The following MCMBP variants were observed in gnomAD, a reference collection of about 807,000 sequenced individuals.
MCMBP encodes the protein mini-chromosome maintenance complex-binding protein.
MCMBP carries 31 observed loss-of-function variants against 81.3 expected under a neutral mutation model. The ratio of observed to expected loss-of-function variants is 0.38; its 90% confidence interval spans 0.29 to 0.51. The LOEUF is 0.51. Ranked by LOEUF, MCMBP falls within the 20% of genes least tolerant of loss-of-function variation. MCMBP has a pLI of 0.87. For synonymous variants in MCMBP, 267 were observed against 275.9 expected (o/e 0.97, Z 0.32); for missense variants, 645 against 772.1 (o/e 0.84, Z 1.95).
rs771682392 is a variant in MCMBP, at chr10:119,859,184, T to G, written c.145-3A>C. 59 of 1,610,458 alleles carry G rather than the reference T, an allele frequency of 3.7e-5. No homozygotes were observed. The highest frequency in any genetic ancestry group is 4.7e-5 in the Non-Finnish European group (56 of 1,179,058). On this transcript the variant is annotated splice_region_variant and splice_polypyrimidine_tract_variant and intron_variant, in intron 2 of 15. Transcript: ENST00000369077. Reference sequence around the variant, plus strand: ...GGAACTTCGTTCAGTGATGGTACCTTAAAGGAAAATAATCAAGTCAGTCAA... The same window carrying G: ...GGAACTTCGTTCAGTGATGGTACCTGAAAGGAAAATAATCAAGTCAGTCAA...
chr10:119,838,766 G>T, intron 11 of MCMBP, 66 bp from the exon 12 acceptor site: 1 of 1,363,126 alleles, frequency 7.3e-7, no homozygotes. Flanking sequence ...ATATGTACTT[G>T]GAATTAAACA....
chr10:119,843,143 G>T (rs1208118532), intron 9 of MCMBP, 111 bp downstream of exon 9: 4 of 1,178,228 alleles, frequency 3.4e-6, no homozygotes, highest in Admixed American at 3.4e-5. Flanking sequence ...AACACTTATT[G>T]TGAGGAATGA....
intron 14 of MCMBP, among the ~76,000 whole-genome samples, chr10:119,832,402 CTACTGTTAACACTGA>C (rs1449794677): frequency 1.2e-4 from 19 of 152,276 alleles, no homozygotes; most frequent in African/African-American, 3.6e-4. Context: ...AAAACTGTCT[CTACTGTTAACACTGA>C]TCAAAATCAG....
chr10:119,837,499 CT>C (rs1852287389), intron 12 of MCMBP, among the ~76,000 whole-genome samples: 1 of 152,192 alleles, frequency 6.6e-6, no homozygotes, highest in East Asian at 1.9e-4. Flanking sequence ...CATTTGAGCA[CT>C]GGTAAACAAT....
In MCMBP at chr10:119,829,511, A is replaced by G. The variant is rs1218351169; in HGVS notation, c.*1963T>C. On this transcript the variant is annotated 3_prime_UTR_variant, in exon 16 of 16. Transcript: ENST00000369077. ...TCCAAACAGGGTTACACAGGAGTCT[A>G]CTCAGTTTCCTGGCCATACAGGATT... 1.3e-5 allele frequency: 2 copies of G among 152,216 alleles called. No homozygotes were observed. Among genetic ancestry groups the G allele is most frequent in the Non-Finnish European group, 2.9e-5 (2 of 68,046 alleles). 9.4% of individuals were successfully genotyped at this position (152,216 alleles called of 1,614,324 possible). A position where few individuals can be genotyped will look rare whatever the true frequency, so the allele number is the denominator to read the frequency against.
intron 14 of MCMBP, among the ~76,000 whole-genome samples, chr10:119,834,347 CTCAG>C (rs1852159550): frequency 6.6e-6 from 1 of 152,142 alleles, no homozygotes. Context: ...AGAAAAATGA[CTCAG>C]TGTGTACAAA....
intron 8 of MCMBP, 121 bp from the exon 9 acceptor site, chr10:119,843,547 CCTTAAAGA>C (rs1852512431): frequency 1.1e-6 from 1 of 902,228 alleles, no homozygotes; most frequent in Non-Finnish European, 1.6e-6. Context: ...CTGTACATCT[CCTTAAAGA>C]ACAGAAAGTG....
At chr10:119,845,642 A>C (rs762860944) in intron 8 of MCMBP, among the ~76,000 whole-genome samples, 23 of 152,230 alleles carry the variant, frequency 1.5e-4, no homozygotes, top group Non-Finnish European at 3.1e-4. Flanking sequence ...ATAAATAATG[A>C]AATCACACTG....
At chr10:119,850,474 G>A (rs1810530204) in intron 6 of MCMBP, among the ~76,000 whole-genome samples, 1 of 152,156 alleles carries the variant, frequency 6.6e-6, no homozygotes. Context: ...AACAGGCCAG[G>A]TGCAGTGGCT....
intron 1 of MCMBP, among the ~76,000 whole-genome samples, chr10:119,866,089 C>G (rs1479270093): frequency 7.5e-6 from 1 of 134,228 alleles, no homozygotes; most frequent in East Asian, 2.2e-4. Context: ...GGCTCTATCT[C>G]TTAAAAAAAA....
Position 119,838,522 on chromosome 10 carries a change from T to C in MCMBP, c.1408+13A>G, listed in dbSNP as rs370286541. The C allele has an allele frequency of 4.4e-5, 71 of 1,609,276 alleles. No individual in the cohort carries two copies. Among genetic ancestry groups the C allele is most frequent in the Middle Eastern group, 1.7e-4 (1 of 6,042 alleles). On this transcript the variant is annotated intron_variant, in intron 12 of 15. Transcript: ENST00000369077. ...GGAAGTCAGAAATGGAAGAGAAACA[T>C]CTATGTACGTACCTGGGGTATCCAG...
chr10:119,831,735 G>T, intron 15 of MCMBP, 135 bp from the exon 16 acceptor site: 1 of 1,045,700 alleles, frequency 9.6e-7, no homozygotes, highest in Non-Finnish European at 1.4e-6. Context: ...TTACACACAA[G>T]TCAACAGCCA....
chr10:119,832,492 C>T (rs1215412926), intron 14 of MCMBP, among the ~76,000 whole-genome samples: 1 of 152,110 alleles, frequency 6.6e-6, no homozygotes, highest in African/African-American at 2.4e-5. Context: ...GCAAGAAAAC[C>T]AGGTGATTAT....
intron 4 of MCMBP, chr10:119,857,738 C>A (rs77558421): frequency 5.2e-6 from 1 of 190,850 alleles, no homozygotes; most frequent in African/African-American, 2.3e-5. Context: ...ATGATGTTAT[C>A]TAGGCCTTTT....
chr10:119,836,036 G>A (rs1034556798), intron 13 of MCMBP, among the ~76,000 whole-genome samples: 11 of 152,160 alleles, frequency 7.2e-5, no homozygotes, highest in Admixed American at 5.9e-4. Context: ...GTTTCGTCAT[G>A]TTGTCCAGGC....
chr10:119,838,717 T>C lies in MCMBP; in HGVS notation c.1243-17A>G, dbSNP rs112748789. The C allele has an allele frequency of 1.3e-6, 2 of 1,581,250 alleles. No individual in the cohort carries two copies. The highest frequency in any genetic ancestry group is 2.3e-5 in the South Asian group (2 of 87,258). ...ACGAAAAGACTGCAAAGAGAAATTT[T>C]TTAGTGAACAAGAATTTAAGTTTCC... On this transcript the variant is annotated splice_polypyrimidine_tract_variant and intron_variant, in intron 11 of 15. Coordinates refer to ENST00000369077, the MANE Select transcript of MCMBP (RefSeq NM_001256378.2).
At chr10:119,853,686 T>A (rs879636379) in intron 5 of MCMBP, among the ~76,000 whole-genome samples, 2 of 152,256 alleles carry the variant, frequency 1.3e-5, no homozygotes, top group Non-Finnish European at 2.9e-5. Flanking sequence ...CATTTGGATC[T>A]CTGACAAAAC....
At chr10:119,866,294 A>G (rs911605205) in intron 1 of MCMBP, among the ~76,000 whole-genome samples, 6 of 152,136 alleles carry the variant, frequency 3.9e-5, no homozygotes, top group Non-Finnish European at 8.8e-5. Flanking sequence ...AATGGGAGAG[A>G]CTACTAAAGG....
At chr10:119,840,246 C>G (rs931717151) in intron 11 of MCMBP, among the ~76,000 whole-genome samples, 1 of 152,140 alleles carries the variant, frequency 6.6e-6, no homozygotes, top group Non-Finnish European at 1.5e-5. Context: ...TCTTGAGGGC[C>G]TGGACGAGTG....
Sources: allele counts gnomAD v4.1 joint callset (sites outside exome capture counted in the v4.1 genomes callset), GRCh38; gene constraint gnomAD v4.1.1; transcripts MANE v1.5; gene names NCBI Gene and HGNC (gene_info 2026-07-23, HGNC 2026-07-21).